ZNF385D: variants seen among roughly 807,000 people sequenced by gnomAD.
ZNF385D encodes zinc finger protein 385D.
In ZNF385D, 15 loss-of-function variants were observed where a neutral mutation model predicts 35.8. The observed-to-expected ratio is 0.42, with a 90% CI of 0.28 to 0.64. The LOEUF is 0.64. ZNF385D is among the 30% of genes least tolerant of loss of function. The probability of loss-of-function intolerance (pLI) is 0.23; values close to 1 mark genes in which losing one functional copy is unlikely to be tolerated. For synonymous variants in ZNF385D, 212 were observed against 186.8 expected (o/e 1.13, Z -1.10); for missense variants, 474 against 494.6 (o/e 0.96, Z 0.39).
chr3:22,034,559 A>T (rs1698199146), intron 3 of ZNF385D, among the ~76,000 whole-genome samples: 1 of 152,216 alleles, frequency 6.6e-6, no homozygotes, highest in Admixed American at 6.5e-5. Flanking sequence ...AAAGAAATCA[A>T]TTTGAATTGT....
chr3:22,315,461 T>C (rs567278276), intron 2 of ZNF385D, among the ~76,000 whole-genome samples: 1 of 152,190 alleles, frequency 6.6e-6, no homozygotes, highest in African/African-American at 2.4e-5. Flanking sequence ...TTACACAGTT[T>C]ATGTTACACA....
chr3:21,963,585 C>T (rs1309342723), intron 3 of ZNF385D, among the ~76,000 whole-genome samples: 1 of 152,114 alleles, frequency 6.6e-6, no homozygotes, highest in Admixed American at 6.6e-5. Context: ...CTTGTAAGAA[C>T]AAGTTGTTTC....
At chr3:21,989,519 G>T (rs935828519) in intron 3 of ZNF385D, among the ~76,000 whole-genome samples, 1 of 151,906 alleles carries the variant, frequency 6.6e-6, no homozygotes, top group Non-Finnish European at 1.5e-5. Flanking sequence ...TCTCTCAAAA[G>T]GTATGTCAGT....
chr3:21,548,458 T>G (rs2062456272), intron 3 of ZNF385D, among the ~76,000 whole-genome samples: 1 of 152,214 alleles, frequency 6.6e-6, no homozygotes, highest in Non-Finnish European at 1.5e-5. Flanking sequence ...TATCTCTTGC[T>G]TCACTACTGC....
intron 2 of ZNF385D, among the ~76,000 whole-genome samples, chr3:22,170,713 T>C (rs1365211033): frequency 6.6e-6 from 1 of 152,166 alleles, no homozygotes; most frequent in Non-Finnish European, 1.5e-5. Context: ...GCTTTCCTTA[T>C]TTTATATAAA....
chr3:21,434,294 GA>G (rs569594065), intron 5 of ZNF385D, among the ~76,000 whole-genome samples: 237 of 152,144 alleles, frequency 1.6e-3, no homozygotes, highest in Non-Finnish European at 1.9e-3. Context: ...ACCTCCCTAA[GA>G]AACTATTTGC....
chr3:22,293,418 A>G (rs1037864893), intron 2 of ZNF385D, among the ~76,000 whole-genome samples: 6 of 152,180 alleles, frequency 3.9e-5, no homozygotes, highest in East Asian at 1.9e-4. Flanking sequence ...AACTTCAGGC[A>G]TTCTCTTTCT....
At chr3:22,263,774 C>T (rs1216920120) in intron 2 of ZNF385D, among the ~76,000 whole-genome samples, 1 of 151,972 alleles carries the variant, frequency 6.6e-6, no homozygotes, top group East Asian at 1.9e-4. Flanking sequence ...TGTTTGGATA[C>T]ATTTTTTATT....
rs972666161 is a variant in ZNF385D at position 22,196,257 on chromosome 3, T to C, written c.107-27222A>G. On this transcript the variant is annotated intron_variant, in intron 2 of 5. Coordinates refer to the ZNF385D transcript ENST00000494108. ...TATGCATGTAGGTTTTGAGTATTCT[T>C]ATCTGCATTCTTATTGCTATACCGA... Among the ~76,000 whole-genome samples, 4 of 152,222 alleles carry C rather than the reference T, an allele frequency of 2.6e-5. No individual in the cohort carries two copies. In the East Asian group the frequency reaches 7.7e-4, roughly 29 times the overall value.
chr3:22,242,091 G>A lies in ZNF385D; in HGVS notation c.107-73056C>T, dbSNP rs368384343. Among the ~76,000 whole-genome samples, 252 of 150,636 alleles carry A rather than the reference G, an allele frequency of 1.7e-3. 18 individuals carry two copies. Among genetic ancestry groups the A allele is most frequent in the African/African-American group, 6.0e-3 (245 of 40,696 alleles). On this transcript the variant is annotated intron_variant, in intron 2 of 5. Coordinates refer to the ZNF385D transcript ENST00000494108. Reference sequence around the variant, plus strand: ...GGACTGTTGTGGGGTGGGGGAAGGGGGGAGGGATAGCACTGGGAGATATAC... The same window carrying A: ...GGACTGTTGTGGGGTGGGGGAAGGGAGGAGGGATAGCACTGGGAGATATAC...
chr3:22,246,728 T>C (rs1372252896), intron 2 of ZNF385D, among the ~76,000 whole-genome samples: 4 of 152,130 alleles, frequency 2.6e-5, no homozygotes, highest in Admixed American at 2.0e-4. Context: ...ATTATGAAGG[T>C]AGAAAAGATG....
intron 3 of ZNF385D, among the ~76,000 whole-genome samples, chr3:21,531,330 A>G (rs1436184593): frequency 6.6e-6 from 1 of 152,202 alleles, no homozygotes; most frequent in Admixed American, 6.5e-5. Flanking sequence ...CAACAGCCAC[A>G]TTGGAAGACA....
intron 3 of ZNF385D, among the ~76,000 whole-genome samples, chr3:22,019,271 G>A (rs1215404521): frequency 6.6e-6 from 1 of 151,482 alleles, no homozygotes; most frequent in Non-Finnish European, 1.5e-5. Context: ...ATTTCTTTAA[G>A]CTCAAATATG....
chr3:21,941,081 C>G (rs902830463), intron 3 of ZNF385D, among the ~76,000 whole-genome samples: 6 of 152,122 alleles, frequency 3.9e-5, no homozygotes, highest in African/African-American at 1.4e-4. Context: ...AAAAAGATGA[C>G]ACAATTTAAC....
At chr3:22,139,319 T>C (rs1461947959) in intron 3 of ZNF385D, among the ~76,000 whole-genome samples, 5 of 152,342 alleles carry the variant, frequency 3.3e-5, no homozygotes, top group East Asian at 1.9e-4. Context: ...TGTACACATA[T>C]GTTTAATGCG....
intron 3 of ZNF385D, among the ~76,000 whole-genome samples, chr3:21,809,811 G>C (rs980397425): frequency 6.6e-6 from 1 of 151,826 alleles, no homozygotes; most frequent in Non-Finnish European, 1.5e-5. Context: ...CAAGGAAAGA[G>C]AGAGGTACAA....
At chr3:21,667,401 A>G (rs542870221) in intron 1 of ZNF385D, among the ~76,000 whole-genome samples, 110 of 152,248 alleles carry the variant, frequency 7.2e-4, no homozygotes, top group Non-Finnish European at 1.1e-3. Context: ...AGCTCAAGCA[A>G]TCCACCCACC....
At chr3:22,078,754 T>A (rs1488067088) in intron 3 of ZNF385D, among the ~76,000 whole-genome samples, 2 of 152,028 alleles carry the variant, frequency 1.3e-5, no homozygotes, top group East Asian at 3.8e-4. Context: ...GTAAATGTCA[T>A]AAATTTGAAA....
At chr3:22,117,844 T>A (rs544190096) in intron 3 of ZNF385D, among the ~76,000 whole-genome samples, 1 of 152,160 alleles carries the variant, frequency 6.6e-6, no homozygotes, top group African/African-American at 2.4e-5. Context: ...TCTTTTTATC[T>A]AATATAATCG....
Sources: allele counts gnomAD v4.1 joint callset (sites outside exome capture counted in the v4.1 genomes callset), GRCh38; gene constraint gnomAD v4.1.1; transcripts MANE v1.5; gene names NCBI Gene and HGNC (gene_info 2026-07-23, HGNC 2026-07-21).